Variants in GXYLT1 observed in about 807,000 individuals in gnomAD.
The protein encoded by GXYLT1 is glucoside xylosyltransferase 1.
Under a neutral mutation model 54.0 loss-of-function variants are expected in GXYLT1, and 29 were observed. The ratio of observed to expected loss-of-function variants is 0.54; its 90% CI spans 0.40 to 0.73. GXYLT1 has a LOEUF of 0.73. GXYLT1 is among the 30% of genes least tolerant of loss of function. The pLI is 0.00. For missense variants in GXYLT1, 490 were observed against 553.4 expected, an observed-to-expected ratio of 0.89 and a Z score of 1.15; for synonymous variants, 176 against 204.1, an observed-to-expected ratio of 0.86 and a Z score of 1.17.
At chr12:42,131,011 T>G (rs1037355272) in intron 1 of GXYLT1, among the ~76,000 whole-genome samples, 2 of 152,114 alleles carry the variant, frequency 1.3e-5, no homozygotes, top group African/African-American at 4.8e-5. Context: ...CCGAAAATCA[T>G]GCTGATATTC....
intron 7 of GXYLT1, among the ~76,000 whole-genome samples, chr12:42,089,344 G>C (rs1289677380): frequency 1.8e-5 from 2 of 112,342 alleles, no homozygotes; most frequent in Non-Finnish European, 3.5e-5. Flanking sequence ...TTGTGGGGTG[G>C]GGGGAGGGGG....
At chr12:42,139,189 C>A (rs1477695585) in intron 1 of GXYLT1, among the ~76,000 whole-genome samples, 1 of 151,728 alleles carries the variant, frequency 6.6e-6, no homozygotes, top group African/African-American at 2.4e-5. Context: ...CAGAGTGAAA[C>A]CTTGTCTCAG....
chr12:42,115,811 T>C (rs1290131005), intron 3 of GXYLT1, among the ~76,000 whole-genome samples: 3 of 150,854 alleles, frequency 2.0e-5, no homozygotes, highest in African/African-American at 4.9e-5. Flanking sequence ...AAAAAGAGCC[T>C]GCGTCGCCAA....
chr12:42,143,352 TGTAG>T (rs2065662333), intron 1 of GXYLT1, among the ~76,000 whole-genome samples: 1 of 152,208 alleles, frequency 6.6e-6, no homozygotes, highest in South Asian at 2.1e-4. Context: ...AGGGTCCTGA[TGTAG>T]GAATTACCCT....
At chr12:42,113,124 G>T (rs932992040) in intron 3 of GXYLT1, among the ~76,000 whole-genome samples, 2 of 151,070 alleles carry the variant, frequency 1.3e-5, no homozygotes, top group African/African-American at 5.0e-5. Context: ...AAGAGCTCCT[G>T]AAGGAAGCAC....
chr12:42,089,374 C>CT (rs1253088838), intron 7 of GXYLT1, among the ~76,000 whole-genome samples: 2 of 150,812 alleles, frequency 1.3e-5, no homozygotes, highest in African/African-American at 4.9e-5. Flanking sequence ...CATTAGGAGA[C>CT]ATACCTAATG....
In GXYLT1 at chr12:42,109,634, GA is replaced by G; in HGVS notation, c.543del (p.Pro182GlnfsTer24). The G allele has an allele frequency of 1.3e-6, 2 of 1,590,824 alleles. No homozygotes were observed. The highest frequency in any genetic ancestry group is 1.1e-5 in the South Asian group (1 of 87,914). On this transcript the variant is annotated frameshift_variant, in exon 4 of 8. Coordinates refer to ENST00000398675, the MANE Select transcript of GXYLT1 (RefSeq NM_173601.2). LOFTEE classifies it high-confidence loss of function. ...TTCCACTCTGCTGCATTCTCACTTG[GA>G]AAGGTTATGGGGTATAACGTATAAT... Reference protein sequence around the residue: ...TFNYTLYPITFPSENAAEWKK... With the variant: ...TFNYTLYPITXPSENAAEWKK...
chr12:42,142,912 A>G (rs1361030036), intron 1 of GXYLT1, among the ~76,000 whole-genome samples: 1 of 152,218 alleles, frequency 6.6e-6, no homozygotes, highest in African/African-American at 2.4e-5. Context: ...TAAAATAAAG[A>G]GTAATGCTAC....
chr12:42,143,182 C>T (rs757488369), intron 1 of GXYLT1, among the ~76,000 whole-genome samples: 8 of 152,142 alleles, frequency 5.3e-5, no homozygotes, highest in Non-Finnish European at 5.9e-5. Context: ...TAAAATGTTG[C>T]TTCCTTACAA....
intron 3 of GXYLT1, among the ~76,000 whole-genome samples, chr12:42,112,207 G>C (rs1194473116): frequency 6.6e-6 from 1 of 152,158 alleles, no homozygotes; most frequent in East Asian, 1.9e-4. Context: ...AAACAGAGCA[G>C]AAAAACTGGA....
At chr12:42,131,981 G>T (rs1255582859) in intron 1 of GXYLT1, among the ~76,000 whole-genome samples, 1 of 152,146 alleles carries the variant, frequency 6.6e-6, no homozygotes, top group African/African-American at 2.4e-5. Flanking sequence ...AACTAATCAG[G>T]TTATTCCATA....
At chr12:42,112,238 C>A (rs564354456) in intron 3 of GXYLT1, among the ~76,000 whole-genome samples, 1 of 152,288 alleles carries the variant, frequency 6.6e-6, no homozygotes, top group African/African-American at 2.4e-5. Context: ...AGCAGAGTGC[C>A]TCTCCTCCTC....
At chr12:42,132,936 T>A (rs1414201865) in intron 1 of GXYLT1, among the ~76,000 whole-genome samples, 1 of 152,124 alleles carries the variant, frequency 6.6e-6, no homozygotes, top group Non-Finnish European at 1.5e-5. Context: ...AGTACCAAAC[T>A]AGGTGCCAAG....
chr12:42,100,567 T>A (rs1355701663), intron 5 of GXYLT1, among the ~76,000 whole-genome samples: 2 of 150,716 alleles, frequency 1.3e-5, no homozygotes, highest in Non-Finnish European at 3.0e-5. Flanking sequence ...AAAAAAAAAA[T>A]CCACATACTT....
At chr12:42,104,349 A>C (rs998930493) in intron 5 of GXYLT1, among the ~76,000 whole-genome samples, 1 of 151,856 alleles carries the variant, frequency 6.6e-6, no homozygotes. Context: ...TCATGTTACT[A>C]TCTTAGTTTT....
chr12:42,116,517 A>G lies in GXYLT1; in HGVS notation c.486+2483T>C, dbSNP rs567811411. Reference sequence around the variant, plus strand: ...GAAGACATTTATGCAGACAAAAAACACATGAAAAAATGCTCACCATCACTG... The same window carrying G: ...GAAGACATTTATGCAGACAAAAAACGCATGAAAAAATGCTCACCATCACTG... On this transcript the variant is annotated intron_variant, in intron 3 of 7. Transcript: ENST00000398675. 3.3e-5 allele frequency among the ~76,000 whole-genome samples: 5 copies of G among 152,366 alleles called. No homozygotes were observed. The East Asian group carries it at 7.7e-4, about 23-fold the overall frequency.
chr12:42,142,418 C>T (rs2065656917), intron 1 of GXYLT1, among the ~76,000 whole-genome samples: 1 of 151,738 alleles, frequency 6.6e-6, no homozygotes, highest in Non-Finnish European at 1.5e-5. Flanking sequence ...CTCACTGTAG[C>T]CTTGAACTCC....
At chr12:42,136,523 T>C (rs1383286241) in intron 1 of GXYLT1, among the ~76,000 whole-genome samples, 1 of 152,206 alleles carries the variant, frequency 6.6e-6, no homozygotes, top group Non-Finnish European at 1.5e-5. Context: ...AAAATGTTAC[T>C]ATGGCTCATC....
chr12:42,114,556 T>C (rs1021161625), intron 3 of GXYLT1, among the ~76,000 whole-genome samples: 7 of 152,112 alleles, frequency 4.6e-5, no homozygotes, highest in African/African-American at 1.4e-4. Context: ...CCTCGACACA[T>C]ACATCCTCCC....
Sources: allele counts gnomAD v4.1 joint callset (sites outside exome capture counted in the v4.1 genomes callset), GRCh38; gene constraint gnomAD v4.1.1; transcripts MANE v1.5; gene names NCBI Gene and HGNC (gene_info 2026-07-23, HGNC 2026-07-21).